Variants in PDS5B observed in about 807,000 individuals in gnomAD.
PDS5B encodes the protein PDS5 cohesin associated factor B.
PDS5B carries 51 observed loss-of-function variants against 184.1 expected under a neutral mutation model. The observed-to-expected ratio is 0.28, with a 90% CI of 0.22 to 0.35. The LOEUF is 0.35. Among genes scored for constraint, PDS5B ranks in the 10% least tolerant of loss-of-function variants. The probability of loss-of-function intolerance (pLI) is 1.00; values close to 1 mark genes in which losing one functional copy is unlikely to be tolerated. For missense variants in PDS5B, 1,180 were observed against 1,723.3 expected, an observed-to-expected ratio of 0.68 and a Z score of 5.58; for synonymous variants, 566 against 569.2, an observed-to-expected ratio of 0.99 and a Z score of 0.08.
chr13:32,587,696 G>A (rs2057711768), intron 1 of PDS5B, among the ~76,000 whole-genome samples: 2 of 152,208 alleles, frequency 1.3e-5, no homozygotes, highest in Admixed American at 1.3e-4. Context: ...CACTCCACGC[G>A]CGTCTTCAAC....
At chr13:32,636,839 C>G (rs1489649245) in intron 1 of PDS5B, among the ~76,000 whole-genome samples, 1 of 152,156 alleles carries the variant, frequency 6.6e-6, no homozygotes, top group African/African-American at 2.4e-5. Context: ...GGTGTGAGAG[C>G]ATGCAGTCAA....
intron 13 of PDS5B, among the ~76,000 whole-genome samples, chr13:32,692,415 C>CTTT (rs1566334927): frequency 3.7e-5 from 2 of 53,792 alleles, no homozygotes; most frequent in African/African-American, 1.4e-4. Context: ...TCCAAAAAGC[C>CTTT]TTTTTTTTTT....
At chr13:32,621,416 A>G (rs1310222415) in intron 1 of PDS5B, among the ~76,000 whole-genome samples, 2 of 152,134 alleles carry the variant, frequency 1.3e-5, no homozygotes, top group African/African-American at 2.4e-5. Context: ...GCAGTGAGCC[A>G]GTATTTTGCC....
At chr13:32,640,639 G>A (rs961045904) in intron 1 of PDS5B, among the ~76,000 whole-genome samples, 1 of 152,068 alleles carries the variant, frequency 6.6e-6, no homozygotes, top group African/African-American at 2.4e-5. Context: ...GAACTGAATT[G>A]TTTTCTGAAA....
chr13:32,624,598 G>A lies in PDS5B; in HGVS notation c.-19-24156G>A, dbSNP rs180937331. Among the ~76,000 whole-genome samples, 41 of 152,234 alleles carry A rather than the reference G, an allele frequency of 2.7e-4. No homozygotes were observed. The East Asian group carries it at 5.6e-3, about 21-fold the overall frequency. On this transcript the variant is annotated intron_variant, in intron 1 of 34. Coordinates refer to ENST00000315596, the MANE Select transcript of PDS5B (RefSeq NM_015032.4). The stretch of plus-strand genomic sequence containing the variant: ...TTATAATATCTGAATTCATTGGGGC[G>A]TGAATCACTCTTGGTGTTTGGTTTT...
chr13:32,710,059 C>A lies in PDS5B; in HGVS notation c.2076C>A (p.Phe692Leu). 6.5e-7 allele frequency: 1 copy of A among 1,532,280 alleles called. No homozygotes were observed. The highest frequency in any genetic ancestry group is 1.7e-5 in the Admixed American group (1 of 57,158). The allele number at this position is 1,532,280 out of a possible 1,614,324, so 94.9% of individuals were successfully genotyped here. A position where few individuals can be genotyped will look rare whatever the true frequency, so the allele number is the denominator to read the frequency against. Residue 692 changes from phenylalanine to leucine, a missense_variant, in exon 19 of 35, where the codon TTC becomes TTA. Phe to Leu is a conservative substitution (Grantham distance 22). Coordinates refer to ENST00000315596, the MANE Select transcript of PDS5B (RefSeq NM_015032.4). Reference protein sequence around the residue: ...EKVAEAALQIFKNTGSKIEED... With the variant: ...EKVAEAALQILKNTGSKIEED... ...TAGCAGAAGCTGCACTACAAATTTT[C>A]AAAAACACAGGAAGCAAAATTGAAG...
At chr13:32,766,411 A>G (rs563056465) in intron 31 of PDS5B, among the ~76,000 whole-genome samples, 1 of 152,312 alleles carries the variant, frequency 6.6e-6, no homozygotes, top group African/African-American at 2.4e-5. Context: ...ACCTATTAGT[A>G]TGATTGTAAT....
In PDS5B at chr13:32,729,008, C is replaced by A. The variant is rs141798746; in HGVS notation, c.2124-3093C>A. 6.4e-3 allele frequency among the ~76,000 whole-genome samples: 975 copies of A among 152,176 alleles called. 10 individuals carry two copies. The highest frequency in any genetic ancestry group is 0.022 in the African/African-American group (924 of 41,486). On this transcript the variant is annotated intron_variant, in intron 19 of 34. Transcript: ENST00000315596. ...GTTTGTTACATAGGTATACATGTGC[C>A]ATGATGGTTTACTGCACCCATCAAC... is the stretch of plus-strand genomic sequence containing the variant.
At chr13:32,710,149 C>G in intron 19 of PDS5B, 43 bp downstream of exon 19, 1 of 1,280,546 alleles carries the variant, frequency 7.8e-7, no homozygotes, top group Non-Finnish European at 1.0e-6. Flanking sequence ...ACATCAGAAA[C>G]ATAATTATTT....
Position 32,776,522 on chromosome 13 carries a change from G to A in PDS5B, c.*1470G>A, listed in dbSNP as rs1453897580. 6.6e-6 allele frequency: 1 copy of A among 151,758 alleles called. No individual in the cohort carries two copies. The highest frequency in any genetic ancestry group is 6.6e-5 in the Admixed American group (1 of 15,248). 9.4% of individuals were successfully genotyped at this position (151,758 alleles called of 1,614,324 possible). ...ACTGTATTTTGAACCAAAACATATA[G>A]GTTACTACTTAATGCTTACCTAATT... On this transcript the variant is annotated 3_prime_UTR_variant, in exon 35 of 35. Coordinates refer to ENST00000315596, the MANE Select transcript of PDS5B (RefSeq NM_015032.4).
chr13:32,655,939 C>A (rs1272983602), intron 3 of PDS5B, among the ~76,000 whole-genome samples: 2 of 152,032 alleles, frequency 1.3e-5, no homozygotes, highest in African/African-American at 4.8e-5. Context: ...GGTCATCTTC[C>A]AGGGATTTTA....
chr13:32,638,304 G>A (rs985411766), intron 1 of PDS5B, among the ~76,000 whole-genome samples: 1 of 152,164 alleles, frequency 6.6e-6, no homozygotes, highest in African/African-American at 2.4e-5. Flanking sequence ...CTTGATGGGA[G>A]GAGCAGCAAA....
chr13:32,699,592 TC>T (rs1951809312), intron 15 of PDS5B, 137 bp from the exon 16 acceptor site: 4 of 476,342 alleles, frequency 8.4e-6, no homozygotes, highest in Non-Finnish European at 1.4e-5. Flanking sequence ...TGAAGGTTTT[TC>T]ACAATTTATT....
At chr13:32,720,786 TGCGGCCTTCC>T (rs946824721) in intron 19 of PDS5B, among the ~76,000 whole-genome samples, 8 of 151,958 alleles carry the variant, frequency 5.3e-5, no homozygotes, top group African/African-American at 1.7e-4. Flanking sequence ...CAGAGGACCC[TGCGGCCTTCC>T]GCAGTGTTTG....
intron 1 of PDS5B, among the ~76,000 whole-genome samples, chr13:32,625,635 A>C (rs1257790723): frequency 6.6e-6 from 1 of 152,046 alleles, no homozygotes; most frequent in Non-Finnish European, 1.5e-5. Context: ...CATTGAAATA[A>C]TTTCTTAGGC....
chr13:32,654,562 G>T (rs1003525115), intron 3 of PDS5B, among the ~76,000 whole-genome samples: 2 of 152,034 alleles, frequency 1.3e-5, no homozygotes. Context: ...AGGTGCAGGG[G>T]TACATTTGCA....
chr13:32,632,923 G>GA (rs1490881415), intron 1 of PDS5B, among the ~76,000 whole-genome samples: 8 of 151,866 alleles, frequency 5.3e-5, no homozygotes, highest in African/African-American at 1.9e-4. Context: ...CCAACATGGT[G>GA]AAACCCCGTC....
chr13:32,764,553 G>A lies in PDS5B; in HGVS notation c.3583G>A (p.Gly1195Arg), dbSNP rs775161495. Reference protein sequence around the residue: ...EDYTMSSPLPGKKSDKRDDSD... With the variant: ...EDYTMSSPLPRKKSDKRDDSD... Reference sequence around the variant, plus strand: ...TTACACAATGTCTTCACCTTTGCCGGGGAAAAAAAGTGACAAGAGAGACGA... The same window carrying A: ...TTACACAATGTCTTCACCTTTGCCGAGGAAAAAAAGTGACAAGAGAGACGA... Residue 1195 changes from glycine to arginine, a missense_variant, in exon 31 of 35, where the codon GGG becomes AGG. Around this residue, in one of 11 missense-constraint regions of PDS5B, gnomAD observed 465 missense variants for 497.8 expected, o/e 0.93. Coordinates refer to ENST00000315596, the MANE Select transcript of PDS5B (RefSeq NM_015032.4). The A allele has an allele frequency of 6.2e-7, 1 of 1,605,710 alleles. No individual in the cohort carries two copies. The highest frequency in any genetic ancestry group is 1.1e-5 in the South Asian group (1 of 89,630).
chr13:32,773,555 G>A (rs1954861159), intron 34 of PDS5B, among the ~76,000 whole-genome samples: 1 of 152,122 alleles, frequency 6.6e-6, no homozygotes. Flanking sequence ...TGAATGTACA[G>A]CATTCTAATA....
Sources: gnomAD v4.1 joint callset for allele counts (sites outside exome capture counted in the v4.1 genomes callset) on GRCh38, gnomAD v4.1.1 for gene constraint, gnomAD v4.1.1 regional missense constraint, MANE v1.5 for transcripts, NCBI Gene and HGNC (gene_info 2026-07-23, HGNC 2026-07-21) for gene names.